Variants in CNTNAP2 observed in about 807,000 individuals in gnomAD.
The protein encoded by CNTNAP2 is contactin associated protein 2.
Under a neutral mutation model 155.2 loss-of-function variants are expected in CNTNAP2, and 98 were observed. That is an observed-to-expected ratio of 0.63 (90% confidence interval 0.54 to 0.75). The LOEUF is 0.75. Ranked by LOEUF, CNTNAP2 falls within the 30% of genes least tolerant of loss-of-function variation. The pLI is 0.00. For synonymous variants in CNTNAP2, 651 were observed against 631.2 expected, an observed-to-expected ratio of 1.03 and a Z score of -0.47; for missense variants, 1,727 against 1,688.1, an observed-to-expected ratio of 1.02 and a Z score of -0.40.
intron 9 of CNTNAP2, among the ~76,000 whole-genome samples, chr7:147,358,957 TG>T: frequency 6.6e-6 from 1 of 152,158 alleles, no homozygotes; most frequent in Non-Finnish European, 1.5e-5. Flanking sequence ...GGCACCATAG[TG>T]TTTTCTAAAG....
At chr7:147,769,683 AT>A (rs995669102) in intron 13 of CNTNAP2, among the ~76,000 whole-genome samples, 1 of 152,142 alleles carries the variant, frequency 6.6e-6, no homozygotes, top group African/African-American at 2.4e-5. Flanking sequence ...TCTCCACAAG[AT>A]ATCTATAAAG....
At chr7:147,011,536 G>A (rs980270033) in intron 3 of CNTNAP2, among the ~76,000 whole-genome samples, 1 of 151,372 alleles carries the variant, frequency 6.6e-6, no homozygotes, top group Non-Finnish European at 1.5e-5. Flanking sequence ...TTCTGAACTG[G>A]ATCCTTTTGG....
chr7:147,987,160 G>A (rs1801632891), intron 15 of CNTNAP2, among the ~76,000 whole-genome samples: 1 of 152,134 alleles, frequency 6.6e-6, no homozygotes, highest in Non-Finnish European at 1.5e-5. Context: ...GCATTTCTGA[G>A]GTCAGGTCCA....
intron 9 of CNTNAP2, among the ~76,000 whole-genome samples, chr7:147,394,839 G>GTGTT (rs1796784960): frequency 7.3e-6 from 1 of 137,828 alleles, no homozygotes; most frequent in South Asian, 2.3e-4. Context: ...GTGTGTGTGT[G>GTGTT]TGTGTGTGTT....
intron 21 of CNTNAP2, among the ~76,000 whole-genome samples, chr7:148,328,976 GAAAAAAAAAA>G (rs71188969): frequency 1.6e-4 from 11 of 69,260 alleles, no homozygotes; most frequent in South Asian, 7.9e-4. Context: ...ACTCTGTCTG[GAAAAAAAAAA>G]AAAAAAAAAA....
chr7:148,310,201 A>G (rs955590953), intron 21 of CNTNAP2, among the ~76,000 whole-genome samples: 1 of 152,228 alleles, frequency 6.6e-6, no homozygotes, highest in Non-Finnish European at 1.5e-5. Context: ...GGGGTTCAGC[A>G]TAATTACTTA....
At chr7:147,531,285 G>C (rs557086734) in intron 11 of CNTNAP2, among the ~76,000 whole-genome samples, 2 of 152,210 alleles carry the variant, frequency 1.3e-5, no homozygotes, top group African/African-American at 4.8e-5. Flanking sequence ...GCCCCAGTTA[G>C]GACTCTGTGT....
chr7:146,461,132 G>A (rs1181769256), intron 1 of CNTNAP2, among the ~76,000 whole-genome samples: 2 of 151,922 alleles, frequency 1.3e-5, no homozygotes, highest in Non-Finnish European at 2.9e-5. Context: ...GGCTGGGCGC[G>A]GTGGCTCACA....
chr7:147,931,232 G>A (rs1345096229), intron 14 of CNTNAP2, among the ~76,000 whole-genome samples: 1 of 144,858 alleles, frequency 6.9e-6, no homozygotes, highest in East Asian at 2.0e-4. Context: ...AAAACTTGAA[G>A]AAATATTTTC....
rs145324337 is a variant in CNTNAP2 at position 147,381,293 on chromosome 7, G to T, written c.1499-14316G>T. On this transcript the variant is annotated intron_variant, in intron 9 of 23. Coordinates refer to ENST00000361727, the MANE Select transcript of CNTNAP2 (RefSeq NM_014141.6). ...GGTCACACAAATACATCTTAAACCA[G>T]TTCTGGCTATTCTGCAGCCCAAGCT... Among the ~76,000 whole-genome samples the T allele has an allele frequency of 6.7e-3, 1,016 of 152,248 alleles. 11 individuals are homozygous for T. Among genetic ancestry groups the T allele is most frequent in the African/African-American group, 0.023 (954 of 41,566 alleles).
intron 15 of CNTNAP2, among the ~76,000 whole-genome samples, chr7:148,010,669 T>C (rs1396843712): frequency 6.6e-6 from 1 of 151,958 alleles, no homozygotes; most frequent in Non-Finnish European, 1.5e-5. Flanking sequence ...AGGTTTTTTT[T>C]TTTTTATTAG....
intron 8 of CNTNAP2, among the ~76,000 whole-genome samples, chr7:147,143,323 C>T (rs1801638616): frequency 6.6e-6 from 1 of 152,196 alleles, no homozygotes; most frequent in African/African-American, 2.4e-5. Flanking sequence ...GATGGTCTCA[C>T]ATGTCCTCTA....
chr7:146,340,041 T>C (rs950983721), intron 1 of CNTNAP2, among the ~76,000 whole-genome samples: 1 of 151,718 alleles, frequency 6.6e-6, no homozygotes, highest in African/African-American at 2.4e-5. Context: ...TGGTGGTGGG[T>C]GCCTGTAATC....
chr7:147,889,688 C>T (rs547879320), intron 13 of CNTNAP2, among the ~76,000 whole-genome samples: 19 of 152,080 alleles, frequency 1.2e-4, no homozygotes, highest in African/African-American at 4.6e-4. Flanking sequence ...CAGCAGTATC[C>T]AAAAGAACTT....
intron 1 of CNTNAP2, among the ~76,000 whole-genome samples, chr7:146,690,686 A>G (rs1377506370): frequency 6.6e-6 from 1 of 152,166 alleles, no homozygotes; most frequent in African/African-American, 2.4e-5. Flanking sequence ...CTATGCAAAC[A>G]AGGTAATATT....
chr7:146,222,658 A>T (rs1339270558), intron 1 of CNTNAP2, among the ~76,000 whole-genome samples: 6 of 138,806 alleles, frequency 4.3e-5, no homozygotes, highest in African/African-American at 8.1e-5. Context: ...GAAAAGGTAA[A>T]TTTTTTTTTT....
chr7:147,719,435 T>C (rs1450978895), intron 13 of CNTNAP2, among the ~76,000 whole-genome samples: 1 of 152,110 alleles, frequency 6.6e-6, no homozygotes, highest in Non-Finnish European at 1.5e-5. Context: ...AATTATATTC[T>C]TACATAACAA....
At chr7:147,971,064 T>C (rs140637343) in intron 14 of CNTNAP2, among the ~76,000 whole-genome samples, 164 of 152,278 alleles carry the variant, frequency 1.1e-3, no homozygotes, top group African/African-American at 3.6e-3. Context: ...AATATAGTGA[T>C]ATAAACTTTA....
chr7:148,183,384 A>C (rs1010738061), intron 18 of CNTNAP2, among the ~76,000 whole-genome samples: 2 of 152,196 alleles, frequency 1.3e-5, no homozygotes, highest in Non-Finnish European at 2.9e-5. Flanking sequence ...TTAAAGCCTA[A>C]AGTCTAAAGA....
Sources: gnomAD v4.1 joint callset for allele counts (sites outside exome capture counted in the v4.1 genomes callset) on GRCh38, gnomAD v4.1.1 for gene constraint, MANE v1.5 for transcripts, NCBI Gene and HGNC (gene_info 2026-07-23, HGNC 2026-07-21) for gene names.